Variants in KIAA0586 observed in about 807,000 individuals in gnomAD.
KIAA0586 encodes the protein KIAA0586.
KIAA0586 carries 144 observed loss-of-function variants against 169.8 expected under a neutral mutation model. The ratio of observed to expected loss-of-function variants is 0.85; its 90% CI spans 0.74 to 0.97. KIAA0586 has a LOEUF of 0.97. Among genes scored for constraint, KIAA0586 ranks in the 50% least tolerant of loss-of-function variants. KIAA0586 has a pLI of 0.00. For missense variants in KIAA0586, 1,854 were observed against 1,823.0 expected, an observed-to-expected ratio of 1.02 and a Z score of -0.31; for synonymous variants, 625 against 612.4, an observed-to-expected ratio of 1.02 and a Z score of -0.30.
At chr14:58,445,503 G>A (rs1379833540) in intron 6 of KIAA0586, among the ~76,000 whole-genome samples, 3 of 148,006 alleles carry the variant, frequency 2.0e-5, no homozygotes, top group Non-Finnish European at 3.0e-5. Context: ...GTGTGTTTTC[G>A]GCTCACTGCA....
chr14:58,429,198 A>T (rs948795539), intron 1 of KIAA0586, among the ~76,000 whole-genome samples, 165 bp from the exon 2 acceptor site: 2 of 152,184 alleles, frequency 1.3e-5, no homozygotes, highest in African/African-American at 4.8e-5. Context: ...AAAAACTTTC[A>T]TTCAGATATG....
Position 58,461,009 on chromosome 14 carries a change from A to G in KIAA0586, c.1908A>G (p.Val636=). Residue 636 remains valine, a synonymous_variant, in exon 14 of 31, where the codon GTA becomes GTG. Coordinates refer to ENST00000652326, the MANE Select transcript of KIAA0586 (RefSeq NM_001329943.3). ...RKEGLLKATT[V]IQDEDYMLQV... ...AGGGGCTTTTGAAAGCAACCACAGTAATACAAGATGAAGATTATATGTTAC... is the reference window on the plus strand; with the variant it reads ...AGGGGCTTTTGAAAGCAACCACAGTGATACAAGATGAAGATTATATGTTAC... The G allele has an allele frequency of 6.2e-7, 1 of 1,606,798 alleles. No homozygotes were observed. The highest frequency in any genetic ancestry group is 8.5e-7 in the Non-Finnish European group (1 of 1,177,470).
chr14:58,506,972 C>T (rs1235417629), intron 27 of KIAA0586, among the ~76,000 whole-genome samples: 2 of 151,574 alleles, frequency 1.3e-5, no homozygotes, highest in African/African-American at 4.9e-5. Context: ...CATGGCGAAA[C>T]CCTGTCTCTA....
At chr14:58,520,327 A>G (rs1300409908) in intron 29 of KIAA0586, among the ~76,000 whole-genome samples, 1 of 152,106 alleles carries the variant, frequency 6.6e-6, no homozygotes, top group Non-Finnish European at 1.5e-5. Flanking sequence ...GAAACTCCAT[A>G]TCTATTAGTA....
chr14:58,526,982 A>G (rs951361188), intron 29 of KIAA0586, among the ~76,000 whole-genome samples: 2 of 152,166 alleles, frequency 1.3e-5, no homozygotes, highest in African/African-American at 4.8e-5. Context: ...ATTACTAACT[A>G]GAATCACCAG....
At chr14:58,458,880 A>C (rs1216816264) in intron 12 of KIAA0586, among the ~76,000 whole-genome samples, 1 of 152,202 alleles carries the variant, frequency 6.6e-6, no homozygotes, top group African/African-American at 2.4e-5. Flanking sequence ...TTGACCCGCC[A>C]AAGTAAAAAT....
rs373271430 is a variant in KIAA0586 at position 58,436,876 on chromosome 14, C to G, written c.410+4419C>G. Among the ~76,000 whole-genome samples the G allele has an allele frequency of 5.3e-5, 8 of 152,258 alleles. 1 individual carries two copies. The South Asian group carries it at 6.2e-4, about 12-fold the overall frequency. ...AATCTGGCTAGAGTGTCTAGAACAACGGGAGAACTCCCTTGTGTGTGACTG... is the reference window on the plus strand; with the variant it reads ...AATCTGGCTAGAGTGTCTAGAACAAGGGGAGAACTCCCTTGTGTGTGACTG... On this transcript the variant is annotated intron_variant, in intron 4 of 30. Transcript: ENST00000652326.
At position 58,467,780 on chromosome 14, in the gene KIAA0586, T is replaced by C. The variant is rs2040880961; in HGVS notation, c.2300T>C (p.Ile767Thr). ...GATACCATGCCACCTGCTGGAGTGA[T>C]TGTCAGCAAGCCACACCCTGTAACT... ...NSDTMPPAGVIVSKPHPVTVT... is the reference protein window; with the variant it reads ...NSDTMPPAGVTVSKPHPVTVT... The change falls in exon 16 of 31, where the codon ATT becomes ACT. Residue 767 changes from isoleucine to threonine, a missense_variant. Physicochemically the swap from Ile to Thr is moderately conservative, Grantham distance 89 (BLOSUM62 -1). Transcript: ENST00000652326. 2 of 1,613,848 alleles carry C rather than the reference T, an allele frequency of 1.2e-6. No individual in the cohort carries two copies. The highest frequency in any genetic ancestry group is 1.7e-6 in the Non-Finnish European group (2 of 1,179,796).
At chr14:58,440,805 T>C (rs969400764) in intron 4 of KIAA0586, among the ~76,000 whole-genome samples, 2 of 151,914 alleles carry the variant, frequency 1.3e-5, no homozygotes, top group South Asian at 2.1e-4. Flanking sequence ...GTCAGACTTA[T>C]AGAAGCAGAA....
At chr14:58,475,083 A>G (rs528660941) in intron 19 of KIAA0586, among the ~76,000 whole-genome samples, 44 of 152,338 alleles carry the variant, frequency 2.9e-4, no homozygotes, top group Non-Finnish European at 4.7e-4. Flanking sequence ...ATTTCCAGAA[A>G]CTTATCCTAA....
At chr14:58,493,285 A>C (rs1201866236) in intron 26 of KIAA0586, among the ~76,000 whole-genome samples, 3 of 152,170 alleles carry the variant, frequency 2.0e-5, no homozygotes, top group African/African-American at 7.2e-5. Context: ...ATGGGTGATT[A>C]TAGAGTTGTT....
At chr14:58,472,378 G>A in intron 18 of KIAA0586, 99 bp downstream of exon 18, 1 of 525,042 alleles carries the variant, frequency 1.9e-6, no homozygotes, top group Non-Finnish European at 3.2e-6. Flanking sequence ...ACAGTGCTTT[G>A]AGATACTTTC....
In KIAA0586 at chr14:58,453,378, G is replaced by C; in HGVS notation, c.1158G>C (p.Leu386Phe). 1 of 1,399,354 alleles carries C rather than the reference G, an allele frequency of 7.1e-7. No individual in the cohort carries two copies. Among genetic ancestry groups the C allele is most frequent in the South Asian group, 1.4e-5 (1 of 72,488 alleles). The allele number at this position is 1,399,354 out of a possible 1,614,324, so 86.7% of individuals were successfully genotyped here. A position where few individuals can be genotyped will look rare whatever the true frequency, so the allele number is the denominator to read the frequency against. Residue 386 changes from leucine (L) to phenylalanine (F), a missense_variant, in exon 9 of 31, where the codon TTG becomes TTC. Transcript: ENST00000652326. ...ATGTAAGACTATTGGAACAAATTTT[G>C]AATAATAATGATTCTTTGACAAGAA... ...RGNVRLLEQI[L>F]NNNDSLTRKS...
At chr14:58,445,063 A>T (rs1467134972) in intron 6 of KIAA0586, among the ~76,000 whole-genome samples, 1 of 151,710 alleles carries the variant, frequency 6.6e-6, no homozygotes, top group Non-Finnish European at 1.5e-5. Flanking sequence ...ACTGCACTTC[A>T]TCCTAGATGA....
At chr14:58,470,787 C>T (rs962801680) in intron 17 of KIAA0586, 64 bp downstream of exon 17, 1 of 762,598 alleles carries the variant, frequency 1.3e-6, no homozygotes, top group African/African-American at 1.7e-5. Context: ...TAACTAATTA[C>T]TCCATTTAAA....
rs2042328590 is a variant in KIAA0586 at position 58,484,924 on chromosome 14, A to AAATATATATTTTTTTT, written c.3145-2083_3145-2082insAATATATATTTTTTTT. ...TATATATATATATATATATATATAT[A>AAATATATATTTTTTTT]TTTTTTTTTTTTTTTTTTTTTTTTT... On this transcript the variant is annotated intron_variant, in intron 21 of 30. Transcript: ENST00000652326. 3.1e-4 allele frequency among the ~76,000 whole-genome samples: 4 copies of AAATATATATTTTTTTT among 13,048 alleles called. 1 individual carries two copies. Among genetic ancestry groups the AAATATATATTTTTTTT allele is most frequent in the Non-Finnish European group, 5.3e-4 (4 of 7,520 alleles). 8.6% of individuals were successfully genotyped at this position (13,048 alleles called of 152,430 possible). A position where few individuals can be genotyped will look rare whatever the true frequency, so the allele number is the denominator to read the frequency against.
intron 26 of KIAA0586, among the ~76,000 whole-genome samples, chr14:58,494,022 T>G (rs1294063600): frequency 1.3e-5 from 2 of 152,180 alleles, no homozygotes; most frequent in African/African-American, 4.8e-5. Flanking sequence ...ATCACTAATA[T>G]CAGTGTATTT....
intron 28 of KIAA0586, among the ~76,000 whole-genome samples, chr14:58,510,118 C>T (rs1387555854): frequency 6.6e-6 from 1 of 152,186 alleles, no homozygotes; most frequent in Admixed American, 6.5e-5. Context: ...CGCCTGTAAT[C>T]CCAGCACTTT....
At chr14:58,536,809 A>G (rs1343933074) in intron 29 of KIAA0586, among the ~76,000 whole-genome samples, 1 of 139,996 alleles carries the variant, frequency 7.1e-6, no homozygotes, top group Non-Finnish European at 1.6e-5. Flanking sequence ...CATTTAAGTA[A>G]AAGCTAACAA....
Sources: allele counts gnomAD v4.1 joint callset (sites outside exome capture counted in the v4.1 genomes callset), GRCh38; gene constraint gnomAD v4.1.1; transcripts MANE v1.5; gene names NCBI Gene and HGNC (gene_info 2026-07-23, HGNC 2026-07-21).